Variants in CMIP observed in about 807,000 individuals in gnomAD.
The protein encoded by CMIP is c-Maf inducing protein.
In CMIP, 13 loss-of-function variants were observed where a neutral mutation model predicts 97.3. The ratio of observed to expected loss-of-function variants is 0.13; its 90% CI spans 0.09 to 0.21. The LOEUF (loss-of-function observed/expected upper bound fraction) is 0.21. Among genes scored for constraint, CMIP ranks in the 10% least tolerant of loss-of-function variants. The probability of loss-of-function intolerance (pLI) is 1.00; values close to 1 mark genes in which losing one functional copy is unlikely to be tolerated. For synonymous variants in CMIP, 538 were observed against 436.3 expected, an observed-to-expected ratio of 1.23 and a Z score of -2.91; for missense variants, 847 against 1,024.9, an observed-to-expected ratio of 0.83 and a Z score of 2.37.
At chr16:81,491,377 C>CG (rs1313393192) in intron 1 of CMIP, among the ~76,000 whole-genome samples, 3 of 152,148 alleles carry the variant, frequency 2.0e-5, no homozygotes, top group Non-Finnish European at 4.4e-5. Context: ...TTGGTAAAAA[C>CG]GGGGTTAGTA....
rs116076438 is a variant in CMIP, at chr16:81,678,640, C to A, written c.1388+12C>A. ...ATCCTCAAGCTGCTGTGAGTGCCCC[C>A]CCCGCGTGCCCGCCCCCGGGGCCGG... On this transcript the variant is annotated intron_variant, in intron 10 of 20. Coordinates refer to ENST00000537098, the MANE Select transcript of CMIP (RefSeq NM_198390.3). 6 of 1,362,276 alleles carry A rather than the reference C, an allele frequency of 4.4e-6. No individual in the cohort carries two copies. In the African/African-American group the frequency reaches 7.1e-5, roughly 16 times the overall value. 84.4% of individuals were successfully genotyped at this position (1,362,276 alleles called of 1,614,324 possible).
intron 2 of CMIP, among the ~76,000 whole-genome samples, chr16:81,617,729 G>A (rs984594513): frequency 2.0e-5 from 3 of 152,214 alleles, no homozygotes; most frequent in African/African-American, 7.2e-5. Flanking sequence ...TGCTCACCTA[G>A]CTGTGGAATC....
intron 2 of CMIP, chr16:81,618,390 A>C (rs1417611120): frequency 2.6e-5 from 4 of 152,194 alleles, no homozygotes; most frequent in African/African-American, 9.7e-5. Context: ...GGCTACCTAG[A>C]TCATCCCCAT....
intron 16 of CMIP, among the ~76,000 whole-genome samples, chr16:81,702,405 C>G (rs995350540): frequency 6.6e-6 from 1 of 152,144 alleles, no homozygotes; most frequent in Non-Finnish European, 1.5e-5. Flanking sequence ...AGTGTCACTT[C>G]CCCACTCTCC....
At position 81,604,396 on chromosome 16, in the gene CMIP, CAAAAAAAAA is replaced by C. The variant is rs886259734; in HGVS notation, c.301-3159_301-3151del. Among the ~76,000 whole-genome samples, 252 of 58,678 alleles carry C rather than the reference CAAAAAAAAA, an allele frequency of 4.3e-3. 3 individuals carry two copies. In the Middle Eastern group the frequency reaches 0.071, roughly 17 times the overall value. The allele number at this position is 58,678 out of a possible 152,430, so 38.5% of individuals were successfully genotyped here. Reference sequence around the variant, plus strand: ...GGGTGACAAGAGCAAAACTCTGTCTCAAAAAAAAAAAAAAAAAAAAGGACCGGCTGCGGT... The same window carrying C: ...GGGTGACAAGAGCAAAACTCTGTCTCAAAAAAAAAAAGGACCGGCTGCGGT... On this transcript the variant is annotated intron_variant, in intron 1 of 20. Transcript: ENST00000537098.
intron 3 of CMIP, among the ~76,000 whole-genome samples, chr16:81,641,019 T>C (rs1265864184): frequency 6.6e-6 from 1 of 151,996 alleles, no homozygotes; most frequent in African/African-American, 2.4e-5. Flanking sequence ...ACGTCCACCA[T>C]GAAATGAGGC....
intron 1 of CMIP, among the ~76,000 whole-genome samples, chr16:81,462,771 C>T (rs574458262): frequency 2.1e-3 from 327 of 152,244 alleles, no homozygotes; most frequent in African/African-American, 7.5e-3. Context: ...ACTGGAGCTG[C>T]GTTGTGATTG....
At chr16:81,504,803 G>A (rs1254791120) in intron 1 of CMIP, among the ~76,000 whole-genome samples, 1 of 152,208 alleles carries the variant, frequency 6.6e-6, no homozygotes, top group Non-Finnish European at 1.5e-5. Context: ...GGAGAGAAAT[G>A]AGGAGAGCAA....
intron 1 of CMIP, among the ~76,000 whole-genome samples, chr16:81,446,237 T>C (rs1037223908): frequency 1.3e-5 from 2 of 152,036 alleles, no homozygotes; most frequent in African/African-American, 2.4e-5. Flanking sequence ...TGGTCCGGCA[T>C]TGTCTGTAGA....
At chr16:81,615,436 T>G (rs1248994752) in intron 2 of CMIP, among the ~76,000 whole-genome samples, 1 of 146,274 alleles carries the variant, frequency 6.8e-6, no homozygotes, top group African/African-American at 2.6e-5. Context: ...TGTGTGTACA[T>G]TTGTAACTGT....
At chr16:81,693,029 C>A in intron 11 of CMIP, 129 bp from the exon 12 acceptor site, 1 of 696,398 alleles carries the variant, frequency 1.4e-6, no homozygotes, top group Non-Finnish European at 2.5e-6. Flanking sequence ...GTTGGCATTT[C>A]ACTCACATTC....
intron 6 of CMIP, 81 bp downstream of exon 6, chr16:81,661,027 A>C (rs2092540024): frequency 7.7e-6 from 12 of 1,565,816 alleles, no homozygotes; most frequent in Non-Finnish European, 1.1e-5. Context: ...GTTTGCACAG[A>C]AAGGCCAAAA....
chr16:81,619,468 T>G (rs1294666371), intron 2 of CMIP: 1 of 152,224 alleles, frequency 6.6e-6, no homozygotes, highest in African/African-American at 2.4e-5. Flanking sequence ...GTTACATGCT[T>G]GAGTGTGTGT....
In CMIP at chr16:81,551,002, C is replaced by T. The variant is rs529823367; in HGVS notation, c.301-56565C>T. Among the ~76,000 whole-genome samples, 13 of 143,812 alleles carry T rather than the reference C, an allele frequency of 9.0e-5. No individual in the cohort carries two copies. The East Asian group carries it at 2.1e-3, about 23-fold the overall frequency. 94.3% of individuals were successfully genotyped at this position (143,812 alleles called of 152,430 possible). ...AGTCCCGTCACACGCACCCCAGTCC[C>T]GTCACACGCACCCCAGTTCATCACA... On this transcript the variant is annotated intron_variant, in intron 1 of 20. Transcript: ENST00000537098.
intron 1 of CMIP, chr16:81,476,504 C>G: frequency 1.4e-6 from 1 of 703,524 alleles, no homozygotes; most frequent in Non-Finnish European, 2.6e-6. Context: ...TCAGAGAACA[C>G]AGTGGGGTTG....
At chr16:81,706,843 C>T (rs3808610) in intron 19 of CMIP, among the ~76,000 whole-genome samples, 171 bp from the exon 20 acceptor site, 11,897 of 152,210 alleles carry the variant, frequency 0.078, 591 homozygotes, top group Non-Finnish European at 0.11. Context: ...AATAGACTTT[C>T]GGTGTCTAGT....
At chr16:81,676,680 T>G (rs954016990) in intron 9 of CMIP, among the ~76,000 whole-genome samples, 22 of 152,198 alleles carry the variant, frequency 1.4e-4, no homozygotes, top group African/African-American at 4.8e-4. Flanking sequence ...GTGTATTTAT[T>G]AAACACCCTT....
At chr16:81,448,553 T>C (rs1037824952) in intron 1 of CMIP, among the ~76,000 whole-genome samples, 1 of 152,216 alleles carries the variant, frequency 6.6e-6, no homozygotes, top group African/African-American at 2.4e-5. Context: ...CTCACCCGCC[T>C]GGCCTGCCTG....
chr16:81,500,313 C>CCGT (rs2089579998), intron 1 of CMIP, among the ~76,000 whole-genome samples: 1 of 32,456 alleles, frequency 3.1e-5, no homozygotes, highest in Non-Finnish European at 5.6e-5. Flanking sequence ...CTGCCTCCCT[C>CCGT]CCTCCCTGCC....
Sources: allele counts gnomAD v4.1 joint callset (sites outside exome capture counted in the v4.1 genomes callset), GRCh38; gene constraint gnomAD v4.1.1; transcripts MANE v1.5; gene names NCBI Gene and HGNC (gene_info 2026-07-23, HGNC 2026-07-21).